The following GPAM variants were observed in gnomAD, a reference collection of about 807,000 sequenced individuals.
GPAM encodes glycerol-3-phosphate acyltransferase, mitochondrial.
Under a neutral mutation model 105.0 loss-of-function variants are expected in GPAM, and 56 were observed. The observed-to-expected ratio is 0.53, with a 90% confidence interval of 0.43 to 0.67. GPAM has a LOEUF of 0.67. Among genes scored for constraint, GPAM ranks in the 30% least tolerant of loss-of-function variants. The pLI is 0.00. For missense variants in GPAM, 855 were observed against 989.8 expected (o/e 0.86, Z 1.83); for synonymous variants, 368 against 354.4 (o/e 1.04, Z -0.43).
chr10:112,160,534 T>A, intron 16 of GPAM, 70 bp downstream of exon 16: 1 of 1,441,256 alleles, frequency 6.9e-7, no homozygotes, highest in East Asian at 2.3e-5. Flanking sequence ...TTAAAGCAGA[T>A]ACCACTATGT....
Position 112,200,732 on chromosome 10 carries a change from T to C in GPAM, n.210+14436A>G, listed in dbSNP as rs1000100069. Reference sequence around the variant, plus strand: ...AGGAGTCATTCAAAATGGATAAAGGTAAGCAAACTGAAGGGATACTTTTAC... The same window carrying C: ...AGGAGTCATTCAAAATGGATAAAGGCAAGCAAACTGAAGGGATACTTTTAC... On this transcript the variant is annotated intron_variant and non_coding_transcript_variant, in intron 1 of 3. Transcript: ENST00000480130. Among the ~76,000 whole-genome samples, 4 of 152,224 alleles carry C rather than the reference T, an allele frequency of 2.6e-5. No homozygotes were observed. The East Asian group carries it at 7.7e-4, about 29-fold the overall frequency.
At chr10:112,154,477 AC>A (rs1423227208) in intron 21 of GPAM, 151 bp downstream of exon 21, 1 of 677,116 alleles carries the variant, frequency 1.5e-6, no homozygotes, top group African/African-American at 1.8e-5. Flanking sequence ...AACCCATCCT[AC>A]ATGCCCCGTT....
chr10:112,227,264 A>C, the GPAM span, among the ~76,000 whole-genome samples: 1 of 152,354 alleles, frequency 6.6e-6, no homozygotes, highest in Non-Finnish European at 1.5e-5. Flanking sequence ...GACTTATGAC[A>C]GTTAATGTGA....
chr10:112,188,238 A>T (rs755707333), upstream of GPAM, among the ~76,000 whole-genome samples: 2 of 152,198 alleles, frequency 1.3e-5, no homozygotes, highest in Non-Finnish European at 2.9e-5. Flanking sequence ...AACAATTGAA[A>T]CTGAAAGTTA....
At chr10:112,164,305 A>G (rs1247107252) in intron 13 of GPAM, among the ~76,000 whole-genome samples, 4 of 152,254 alleles carry the variant, frequency 2.6e-5, no homozygotes, top group African/African-American at 9.6e-5. Context: ...AAGAACTCCT[A>G]TATGAGTCAC....
At chr10:112,207,973 G>A (rs1188317391) in intron 1 of GPAM, among the ~76,000 whole-genome samples, 1 of 152,198 alleles carries the variant, frequency 6.6e-6, no homozygotes, top group Non-Finnish European at 1.5e-5. Context: ...TTCAACTACA[G>A]CCCAAGAACT....
At position 112,160,748 on chromosome 10, in the gene GPAM, G is replaced by A. The variant is rs892021209; in HGVS notation, c.1615C>T (p.Leu539=). The A allele has an allele frequency of 6.2e-7, 1 of 1,614,072 alleles. No individual in the cohort carries two copies. Among genetic ancestry groups the A allele is most frequent in the African/African-American group, 1.3e-5 (1 of 75,042 alleles). Residue 539 remains leucine (L), a synonymous_variant, in exon 16 of 22, where the codon CTG becomes TTG. Coordinates refer to ENST00000348367, the MANE Select transcript of GPAM (RefSeq NM_001244949.2). ...GTGATTGTGACACAATTTCCCAGCA[G>A]CTGTATGGCATGCATTACTACATCT... The part of the protein sequence containing the change: ...SEDVVMHAIQ[L]LGNCVTITHT...
chr10:112,157,058 C>T (rs1847030327), intron 19 of GPAM, 191 bp downstream of exon 19: 2 of 639,672 alleles, frequency 3.1e-6, no homozygotes, highest in Admixed American at 2.6e-5. Flanking sequence ...TCAGACTCTC[C>T]TTTCCTTTTC....
rs778327553 is a variant in GPAM at position 112,173,021 on chromosome 10, C to T, written c.606G>A (p.Trp202Ter). Residue 202 changes from tryptophan to a stop codon, truncating the protein, a stop_gained, in exon 8 of 22, where the codon TGG becomes TGA. Coordinates refer to ENST00000348367, the MANE Select transcript of GPAM (RefSeq NM_001244949.2). LOFTEE classifies it high-confidence loss of function. ...GTTGACCTTTGTGAATTTGAATGTT[C>T]CAAAAGAAGCTGTTGAACAGTTTTA... ...VLLKLFNSFFWNIQIHKGQLE... is the reference protein window; with the variant it reads ...VLLKLFNSFF 1 of 1,610,908 alleles carries T rather than the reference C, an allele frequency of 6.2e-7. No homozygotes were observed. Among genetic ancestry groups the T allele is most frequent in the Admixed American group, 1.7e-5 (1 of 60,008 alleles).
chr10:112,187,843 C>G (rs566182167), upstream of GPAM, among the ~76,000 whole-genome samples: 17 of 152,006 alleles, frequency 1.1e-4, no homozygotes, highest in African/African-American at 4.1e-4. Flanking sequence ...GGATCCAAAT[C>G]ATAAAACATA....
chr10:112,195,586 T>A (rs1233226788), intron 1 of GPAM, among the ~76,000 whole-genome samples: 2 of 152,228 alleles, frequency 1.3e-5, no homozygotes, highest in Non-Finnish European at 2.9e-5. Context: ...TTAAGTTTCT[T>A]CCCCATGGGA....
chr10:112,152,126 T>C lies in GPAM; in HGVS notation c.*1424A>G. ...AATCCAAGCTTATGGAAGTACAAAC[T>C]TAATTCTCAGTACTTTTATACTAAA... is the stretch of plus-strand genomic sequence containing the variant. On this transcript the variant is annotated 3_prime_UTR_variant, in exon 22 of 22. Coordinates refer to ENST00000348367, the MANE Select transcript of GPAM (RefSeq NM_001244949.2). 2 of 976,880 alleles carry C rather than the reference T, an allele frequency of 2.0e-6. No homozygotes were observed. 60.5% of individuals were successfully genotyped at this position (976,880 alleles called of 1,614,324 possible).
intron 9 of GPAM, among the ~76,000 whole-genome samples, chr10:112,171,001 C>T (rs533570289): frequency 1.2e-4 from 19 of 152,312 alleles, no homozygotes; most frequent in South Asian, 4.1e-4. Context: ...ACAAAGGTGA[C>T]GAAGGCCATC....
At chr10:112,176,823 G>T (rs1278857324) in intron 5 of GPAM, among the ~76,000 whole-genome samples, 1 of 152,148 alleles carries the variant, frequency 6.6e-6, no homozygotes, top group Non-Finnish European at 1.5e-5. Context: ...AATGTTTTAG[G>T]CTTTGCTTCA....
intron 1 of GPAM, among the ~76,000 whole-genome samples, chr10:112,206,891 C>A (rs975993705): frequency 4.6e-5 from 7 of 151,796 alleles, no homozygotes; most frequent in Admixed American, 1.3e-4. Context: ...TACCTCCATG[C>A]CTGTGCAAAT....
intron 19 of GPAM, chr10:112,156,873 GA>G (rs1306470098): frequency 5.1e-5 from 17 of 336,002 alleles, no homozygotes; most frequent in African/African-American, 2.9e-4. Context: ...CTTAATATAT[GA>G]AATTTTGGGA....
Position 112,150,657 on chromosome 10 carries a change from G to C in GPAM, c.*2893C>G. The stretch of plus-strand genomic sequence containing the variant: ...AGAAAAAGGTCCTGGTGTCAAAATA[G>C]TTTGGGCAATGCTGGGTTAGACAGT... On this transcript the variant is annotated 3_prime_UTR_variant, in exon 22 of 22. Transcript: ENST00000348367. 1.1e-6 allele frequency: 1 copy of C among 905,258 alleles called. No individual in the cohort carries two copies. The highest frequency in any genetic ancestry group is 1.8e-5 in the African/African-American group (1 of 55,810). 56.1% of individuals were successfully genotyped at this position (905,258 alleles called of 1,614,324 possible). A position where few individuals can be genotyped will look rare whatever the true frequency, so the allele number is the denominator to read the frequency against.
chr10:112,188,952 T>A (rs1330710372), intron 1 of GPAM, among the ~76,000 whole-genome samples: 1 of 152,218 alleles, frequency 6.6e-6, no homozygotes, highest in African/African-American at 2.4e-5. Flanking sequence ...TCATGCTGCC[T>A]TCCTAATAGT....
intron 15 of GPAM, 26 bp from the exon 16 acceptor site, chr10:112,160,894 T>G (rs3824626): frequency 7.5e-6 from 12 of 1,605,486 alleles, no homozygotes; most frequent in Admixed American, 5.0e-5. Flanking sequence ...AACGGTATCA[T>G]GATGGTGGAA....
Sources: gnomAD v4.1 joint callset for allele counts (sites outside exome capture counted in the v4.1 genomes callset) on GRCh38, gnomAD v4.1.1 for gene constraint, MANE v1.5 for transcripts, NCBI Gene and HGNC (gene_info 2026-07-23, HGNC 2026-07-21) for gene names.